NADSYN1: variants seen among roughly 807,000 people sequenced by gnomAD.
The protein encoded by NADSYN1 is glutamine-dependent NAD(+) synthetase.
Under a neutral mutation model 99.3 loss-of-function variants are expected in NADSYN1, and 80 were observed. That is an observed-to-expected ratio of 0.81 (90% CI 0.67 to 0.97). The LOEUF (loss-of-function observed/expected upper bound fraction) is 0.97. Ranked by LOEUF, NADSYN1 falls within the 50% of genes least tolerant of loss-of-function variation. The pLI, the probability that NADSYN1 is intolerant of heterozygous loss-of-function variation, is 0.00. For synonymous variants in NADSYN1, 385 were observed against 372.1 expected, an observed-to-expected ratio of 1.03 and a Z score of -0.40; for missense variants, 859 against 948.5, an observed-to-expected ratio of 0.91 and a Z score of 1.24.
At chr11:71,460,735 T>G (rs1949545234) in intron 3 of NADSYN1, 1 of 152,240 alleles carries the variant, frequency 6.6e-6, no homozygotes, top group Non-Finnish European at 1.5e-5. Context: ...TTTTCTGGAT[T>G]GGAGGCTCCA....
intron 20 of NADSYN1, chr11:71,499,270 G>C: frequency 6.6e-6 from 1 of 152,200 alleles, no homozygotes; most frequent in East Asian, 1.9e-4. Flanking sequence ...ATGTCTCGTC[G>C]GCAGATGAGT....
intron 4 of NADSYN1, 87 bp from the exon 5 acceptor site, chr11:71,463,966 A>T (rs1258911181): frequency 9.1e-7 from 1 of 1,102,618 alleles, no homozygotes; most frequent in Non-Finnish European, 1.3e-6. Flanking sequence ...GCATGGCATC[A>T]CCTCGTCACT....
chr11:71,481,322 C>T (rs370761049), intron 11 of NADSYN1, 34 bp from the exon 12 acceptor site: 39 of 1,612,096 alleles, frequency 2.4e-5, no homozygotes, highest in African/African-American at 2.3e-4. Context: ...CAGGGGCCAC[C>T]GCCTCCGGGC....
chr11:71,501,200 T>A, intron 20 of NADSYN1, 102 bp from the exon 21 acceptor site: 1 of 1,139,952 alleles, frequency 8.8e-7, no homozygotes, highest in South Asian at 1.8e-5. Context: ...ATTTACTTTT[T>A]CACCTCTGGG....
intron 3 of NADSYN1, chr11:71,459,607 T>C (rs12790010): frequency 0.54 from 81,981 of 153,046 alleles, 25,782 homozygotes; most frequent in Non-Finnish European, 0.74. Context: ...TCTGCTGGTG[T>C]CTGCTGCGCT....
At chr11:71,491,805 T>C in intron 17 of NADSYN1, 29 bp from the exon 18 acceptor site, 2 of 1,611,722 alleles carry the variant, frequency 1.2e-6, no homozygotes, top group Non-Finnish European at 8.5e-7. Flanking sequence ...GCAGCTGCAC[T>C]GACCGACCTC....
chr11:71,484,652 G>A (rs1382806850), intron 15 of NADSYN1: 18 of 677,062 alleles, frequency 2.7e-5, no homozygotes, highest in Non-Finnish European at 4.1e-5. Context: ...AACAAGGAGG[G>A]GGTCTGTGTG....
In NADSYN1 at chr11:71,453,244, A is replaced by T. The variant is rs571283339; in HGVS notation, c.-53A>T. The T allele has an allele frequency of 7.2e-6, 11 of 1,534,772 alleles. No individual in the cohort carries two copies. In the African/African-American group the frequency reaches 1.1e-4, roughly 15 times the overall value. On this transcript the variant is annotated 5_prime_UTR_variant, in exon 1 of 21. Coordinates refer to ENST00000319023, the MANE Select transcript of NADSYN1 (RefSeq NM_018161.5). The stretch of plus-strand genomic sequence containing the variant: ...CGTCCCAGCCGCCTACCTCGCTGGG[A>T]CCCTGGTCTTGCTGTCCCCCGCTGG...
At position 71,458,646 on chromosome 11, in the gene NADSYN1, G is replaced by A. The variant is rs1380240818; in HGVS notation, c.263+102G>A. On this transcript the variant is annotated intron_variant, in intron 3 of 20. Coordinates refer to ENST00000319023, the MANE Select transcript of NADSYN1 (RefSeq NM_018161.5). ...TCCATCCAGGGTGTGGAACATCCAT[G>A]TGTCCAGGGATACGAAAGGCCTTAT... 4.8e-6 allele frequency: 4 copies of A among 834,510 alleles called. No individual in the cohort carries two copies. In the African/African-American group the frequency reaches 6.6e-5, roughly 14 times the overall value. The allele number at this position is 834,510 out of a possible 1,614,324, so 51.7% of individuals were successfully genotyped here. A position where few individuals can be genotyped will look rare whatever the true frequency, so the allele number is the denominator to read the frequency against.
At chr11:71,457,666 A>C (rs1016217686) in intron 2 of NADSYN1, among the ~76,000 whole-genome samples, 2 of 152,142 alleles carry the variant, frequency 1.3e-5, no homozygotes, top group African/African-American at 4.8e-5. Context: ...CTCCCTCCGA[A>C]GGCTCTTGGG....
At chr11:71,481,174 C>A in intron 11 of NADSYN1, 182 bp from the exon 12 acceptor site, 1 of 704,704 alleles carries the variant, frequency 1.4e-6, no homozygotes. Context: ...TACCCACGTC[C>A]TGGGTCTGTC....
chr11:71,490,626 C>T (rs956998744), intron 16 of NADSYN1, among the ~76,000 whole-genome samples: 1 of 152,218 alleles, frequency 6.6e-6, no homozygotes, highest in Non-Finnish European at 1.5e-5. Flanking sequence ...CGAAATCTGC[C>T]TGCCATCCCC....
intron 17 of NADSYN1, 114 bp from the exon 18 acceptor site, chr11:71,491,720 T>C: frequency 2.2e-6 from 2 of 923,148 alleles, no homozygotes; most frequent in Non-Finnish European, 3.4e-6. Flanking sequence ...CTACCCACGG[T>C]GAACGGAGTG....
chr11:71,480,335 G>A (rs949604597), intron 10 of NADSYN1: 2 of 181,696 alleles, frequency 1.1e-5, no homozygotes, highest in African/African-American at 2.4e-5. Context: ...CACCATGCCC[G>A]GCTAATTTTT....
chr11:71,493,302 G>A (rs1248717113), intron 18 of NADSYN1, among the ~76,000 whole-genome samples: 2 of 152,174 alleles, frequency 1.3e-5, no homozygotes, highest in African/African-American at 4.8e-5. Context: ...CTGGTGAGTG[G>A]AATTGTTTTA....
chr11:71,500,883 T>G (rs1481724459), intron 20 of NADSYN1, among the ~76,000 whole-genome samples: 1 of 152,014 alleles, frequency 6.6e-6, no homozygotes, highest in African/African-American at 2.4e-5. Flanking sequence ...TGGCCAAGCC[T>G]CGGGTGATGG....
intron 8 of NADSYN1, 70 bp from the exon 9 acceptor site, chr11:71,474,325 A>G: frequency 3.1e-6 from 5 of 1,601,372 alleles, no homozygotes; most frequent in Non-Finnish European, 4.3e-6. Context: ...AGGTTCCTGT[A>G]CTTGGGCAGG....
intron 5 of NADSYN1, among the ~76,000 whole-genome samples, chr11:71,470,096 C>T (rs959473634): frequency 3.9e-5 from 6 of 152,170 alleles, no homozygotes; most frequent in East Asian, 1.9e-4. Flanking sequence ...TCTTACATAG[C>T]GGCAGACAAG....
intron 5 of NADSYN1, among the ~76,000 whole-genome samples, chr11:71,470,963 A>G (rs753384315): frequency 6.6e-6 from 1 of 152,234 alleles, no homozygotes; most frequent in East Asian, 1.9e-4. Flanking sequence ...ACAGGGCTCT[A>G]TCCTGTGCTT....
Sources: gnomAD v4.1 joint callset for allele counts (sites outside exome capture counted in the v4.1 genomes callset) on GRCh38, gnomAD v4.1.1 for gene constraint, MANE v1.5 for transcripts, NCBI Gene and HGNC (gene_info 2026-07-23, HGNC 2026-07-21) for gene names.